Variants in HPSE2 observed in about 807,000 individuals in gnomAD.
HPSE2 encodes heparanase 2 (inactive), also known as inactive heparanase-2.
A neutral mutation model predicts 60.5 loss-of-function variants in HPSE2; 38 were observed. The ratio of observed to expected loss-of-function variants is 0.63; its 90% confidence interval spans 0.48 to 0.82. The LOEUF (loss-of-function observed/expected upper bound fraction) is 0.82, where lower values mean the gene tolerates loss of function less well. Among genes scored for constraint, HPSE2 ranks in the 40% least tolerant of loss-of-function variants. The pLI, the probability that HPSE2 is intolerant of heterozygous loss-of-function variation, is 0.00. For synonymous variants in HPSE2, 295 were observed against 293.2 expected, an observed-to-expected ratio of 1.01 and a Z score of -0.06; for missense variants, 713 against 740.4, an observed-to-expected ratio of 0.96 and a Z score of 0.43.
At chr10:98,949,978 TAAG>T (rs1174326317) in intron 3 of HPSE2, among the ~76,000 whole-genome samples, 2 of 152,180 alleles carry the variant, frequency 1.3e-5, no homozygotes, top group African/African-American at 4.8e-5. Context: ...TTTTCTTTAT[TAAG>T]TTAGGAAACA....
At chr10:99,101,256 A>G (rs1192163930) in intron 3 of HPSE2, among the ~76,000 whole-genome samples, 3 of 152,218 alleles carry the variant, frequency 2.0e-5, no homozygotes, top group Non-Finnish European at 2.9e-5. Context: ...CTCACATGCA[A>G]AGACACACAT....
chr10:98,530,650 A>G (rs1943103159), intron 9 of HPSE2, among the ~76,000 whole-genome samples: 1 of 152,220 alleles, frequency 6.6e-6, no homozygotes. Flanking sequence ...GGTGGCAAGT[A>G]GCTGTGTGGA....
intron 3 of HPSE2, among the ~76,000 whole-genome samples, chr10:99,015,296 G>C (rs1178769287): frequency 6.6e-6 from 1 of 152,096 alleles, no homozygotes; most frequent in East Asian, 1.9e-4. Context: ...AATACCATTT[G>C]ACCCAGCCAT....
intron 3 of HPSE2, among the ~76,000 whole-genome samples, chr10:99,064,101 A>AAACAAG (rs1027398030): frequency 1.3e-5 from 2 of 152,212 alleles, no homozygotes; most frequent in Admixed American, 1.3e-4. Context: ...CAAAAAACAA[A>AAACAAG]AACAAAAAAT....
intron 3 of HPSE2, among the ~76,000 whole-genome samples, chr10:99,096,154 A>C (rs575311809): frequency 6.6e-6 from 1 of 152,198 alleles, no homozygotes; most frequent in East Asian, 1.9e-4. Flanking sequence ...GGTTTTGTAC[A>C]TGTTTTTCTC....
chr10:98,528,365 T>C (rs919692588), intron 9 of HPSE2, among the ~76,000 whole-genome samples: 2 of 152,178 alleles, frequency 1.3e-5, no homozygotes, highest in Non-Finnish European at 2.9e-5. Context: ...GCTTTATAAT[T>C]CTAGATACTT....
intron 2 of HPSE2, among the ~76,000 whole-genome samples, chr10:99,223,601 T>C (rs1849381300): frequency 6.6e-6 from 1 of 152,196 alleles, no homozygotes. Flanking sequence ...AAAACACATA[T>C]ATTTAGGTTT....
intron 2 of HPSE2, among the ~76,000 whole-genome samples, chr10:99,200,554 T>C (rs1848541870): frequency 6.6e-6 from 1 of 152,126 alleles, no homozygotes; most frequent in Non-Finnish European, 1.5e-5. Flanking sequence ...ATTTGTGCAA[T>C]AATAAAAATG....
chr10:99,182,611 G>A (rs1564875740), intron 2 of HPSE2, among the ~76,000 whole-genome samples: 2 of 152,180 alleles, frequency 1.3e-5, no homozygotes, highest in Admixed American at 6.5e-5. Flanking sequence ...TGGGGACAGG[G>A]AGACATTCTG....
intron 3 of HPSE2, among the ~76,000 whole-genome samples, chr10:99,032,583 CTT>C (rs932498608): frequency 2.0e-5 from 3 of 152,152 alleles, no homozygotes; most frequent in African/African-American, 7.2e-5. Context: ...TATCTTGACA[CTT>C]GTTTCAGTTT....
the HPSE2 span, among the ~76,000 whole-genome samples, chr10:99,243,883 TAG>T: frequency 6.6e-6 from 1 of 151,328 alleles, no homozygotes; most frequent in African/African-American, 2.4e-5. Flanking sequence ...TTGCAGTGAG[TAG>T]AGATTGCCCC....
intron 2 of HPSE2, among the ~76,000 whole-genome samples, chr10:99,230,552 TA>T (rs1849610170): frequency 6.6e-6 from 1 of 152,120 alleles, no homozygotes; most frequent in Non-Finnish European, 1.5e-5. Flanking sequence ...TAATTTTATA[TA>T]GTTTTACAGG....
chr10:99,052,774 A>G (rs948645315), intron 3 of HPSE2, among the ~76,000 whole-genome samples: 4 of 152,114 alleles, frequency 2.6e-5, no homozygotes, highest in Non-Finnish European at 4.4e-5. Context: ...TAAAAAATAA[A>G]AAGCAAAAAC....
chr10:98,994,536 C>T (rs1956600488), intron 3 of HPSE2, among the ~76,000 whole-genome samples: 2 of 152,218 alleles, frequency 1.3e-5, no homozygotes, highest in African/African-American at 4.8e-5. Flanking sequence ...TTCAGTCTCA[C>T]AGCAGCCCAC....
At chr10:99,244,694 G>A in the HPSE2 span, among the ~76,000 whole-genome samples, 1 of 148,970 alleles carries the variant, frequency 6.7e-6, no homozygotes, top group Non-Finnish European at 1.5e-5. Context: ...ACAGGCATGA[G>A]ACTTTGACCT....
intron 3 of HPSE2, among the ~76,000 whole-genome samples, chr10:99,142,946 T>C (rs1845913009): frequency 6.6e-6 from 1 of 151,776 alleles, no homozygotes; most frequent in African/African-American, 2.4e-5. Flanking sequence ...TTGGAAAATA[T>C]TACACACACA....
intron 9 of HPSE2, among the ~76,000 whole-genome samples, chr10:98,544,476 C>T (rs1274798550): frequency 1.5e-4 from 23 of 151,736 alleles, no homozygotes; most frequent in East Asian, 3.9e-4. Flanking sequence ...TTTGGGAGGC[C>T]GAGGCAGGCG....
At chr10:99,133,395 T>A (rs1845522322) in intron 3 of HPSE2, among the ~76,000 whole-genome samples, 1 of 152,120 alleles carries the variant, frequency 6.6e-6, no homozygotes, top group African/African-American at 2.4e-5. Flanking sequence ...CTGCTAAGGG[T>A]CAGACTGCCG....
chr10:98,858,344 C>G (rs558483416), intron 3 of HPSE2, among the ~76,000 whole-genome samples: 1 of 152,180 alleles, frequency 6.6e-6, no homozygotes, highest in South Asian at 2.1e-4. Context: ...AAAACAAAAC[C>G]CCTGTGAAGC....
Sources: gnomAD v4.1 joint callset for allele counts (sites outside exome capture counted in the v4.1 genomes callset) on GRCh38, gnomAD v4.1.1 for gene constraint, MANE v1.5 for transcripts, NCBI Gene and HGNC (gene_info 2026-07-23, HGNC 2026-07-21) for gene names.